Variants in PDE10A observed in about 807,000 individuals in gnomAD.
The protein encoded by PDE10A is cAMP and cAMP-inhibited cGMP 3',5'-cyclic phosphodiesterase 10A.
In PDE10A, 39 loss-of-function variants were observed where a neutral mutation model predicts 97.7. The observed-to-expected ratio is 0.40, with a 90% CI of 0.31 to 0.52. The LOEUF (loss-of-function observed/expected upper bound fraction) is 0.52, where lower values mean the gene tolerates loss of function less well. PDE10A is among the 20% of genes least tolerant of loss of function. The probability of loss-of-function intolerance (pLI) is 0.56; values close to 1 mark genes in which losing one functional copy is unlikely to be tolerated. For synonymous variants in PDE10A, 371 were observed against 376.8 expected (o/e 0.98, Z 0.18); for missense variants, 731 against 1,047.8 (o/e 0.70, Z 4.17).
intron 1 of PDE10A, among the ~76,000 whole-genome samples, chr6:165,619,205 TAGTGC>T (rs1283827720): frequency 3.9e-5 from 5 of 126,798 alleles, no homozygotes; most frequent in Non-Finnish European, 8.4e-5. Context: ...TAGTGTAATG[TAGTGC>T]AGTGTAGACT....
rs545343493 is a variant in PDE10A, at chr6:165,486,148, G to A, written c.995-3805C>T. Reference sequence around the variant, plus strand: ...CCAATGGCACACAATCCAGGTTGACGAGTCTATCAATGTTGACAGCAAGGC... The same window carrying A: ...CCAATGGCACACAATCCAGGTTGACAAGTCTATCAATGTTGACAGCAAGGC... On this transcript the variant is annotated intron_variant, in intron 2 of 21. Coordinates refer to ENST00000539869, the MANE Select transcript of PDE10A (RefSeq NM_001385079.1). 2.0e-4 allele frequency among the ~76,000 whole-genome samples: 31 copies of A among 152,316 alleles called. No individual in the cohort carries two copies. In the South Asian group the frequency reaches 5.2e-3, roughly 25 times the overall value.
chr6:165,492,508 G>A (rs979395304), intron 2 of PDE10A, among the ~76,000 whole-genome samples: 11 of 152,104 alleles, frequency 7.2e-5, no homozygotes, highest in African/African-American at 2.7e-4. Flanking sequence ...CCATGATCAA[G>A]TGGGTTTCAT....
intron 17 of PDE10A, among the ~76,000 whole-genome samples, chr6:165,386,518 C>A (rs1312630901): frequency 6.6e-6 from 1 of 152,090 alleles, no homozygotes; most frequent in African/African-American, 2.4e-5. Flanking sequence ...GTGAAGTCAT[C>A]CTGATGTTGT....
intron 2 of PDE10A, among the ~76,000 whole-genome samples, chr6:165,494,621 C>T (rs543003869): frequency 8.6e-5 from 13 of 151,368 alleles, no homozygotes; most frequent in African/African-American, 3.2e-4. Context: ...ATATTGAAAA[C>T]CACATTTTGC....
At chr6:165,813,415 G>A (rs143216425) in intron 1 of PDE10A, among the ~76,000 whole-genome samples, 209 of 148,308 alleles carry the variant, frequency 1.4e-3, no homozygotes, top group African/African-American at 4.9e-3. Flanking sequence ...AGACGTGACC[G>A]TCTGCTACTG....
rs141125228 is a variant in PDE10A at position 165,921,952 on chromosome 6, G to A, written c.-615+65577C>T. Among the ~76,000 whole-genome samples, 30 of 152,296 alleles carry A rather than the reference G, an allele frequency of 2.0e-4. 1 individual carries two copies. In the East Asian group the frequency reaches 5.0e-3, roughly 26 times the overall value. The stretch of plus-strand genomic sequence containing the variant: ...GGGATTAGACTGCAGGGTAGAAGCT[G>A]AGGGGCCAGTTGAGAGAAGCAAGCC... On this transcript the variant is annotated intron_variant, in intron 1 of 19. Coordinates refer to the PDE10A transcript ENST00000366882.
chr6:165,858,621 T>C (rs954033611), intron 1 of PDE10A, among the ~76,000 whole-genome samples: 2 of 152,212 alleles, frequency 1.3e-5, no homozygotes, highest in African/African-American at 4.8e-5. Flanking sequence ...TCATCTGATG[T>C]AGACTTCTGG....
At chr6:165,381,971 T>A (rs1166596570) in intron 17 of PDE10A, among the ~76,000 whole-genome samples, 1 of 152,110 alleles carries the variant, frequency 6.6e-6, no homozygotes, top group Non-Finnish European at 1.5e-5. Flanking sequence ...AATTGATAAT[T>A]TTACTATAGT....
In PDE10A at chr6:165,339,454, T is replaced by C. The variant is rs1781846336; in HGVS notation, c.2896-96A>G. The stretch of plus-strand genomic sequence containing the variant: ...TTATTCCCTTTATTCCTTAATTTTC[T>C]TCAAAACAAATAATGTTTGTGGTTG... On this transcript the variant is annotated intron_variant, in intron 19 of 21. Coordinates refer to ENST00000539869, the MANE Select transcript of PDE10A (RefSeq NM_001385079.1). The C allele has an allele frequency of 3.8e-6, 3 of 797,144 alleles. No individual in the cohort carries two copies. The Admixed American group carries it at 6.1e-5, about 16-fold the overall frequency. 49.4% of individuals were successfully genotyped at this position (797,144 alleles called of 1,614,324 possible).
At chr6:165,357,200 C>T (rs912856974) in intron 18 of PDE10A, among the ~76,000 whole-genome samples, 1 of 152,038 alleles carries the variant, frequency 6.6e-6, no homozygotes, top group Non-Finnish European at 1.5e-5. Flanking sequence ...AGCCAGTTTC[C>T]TAATCCTGCA....
At chr6:165,615,720 C>G (rs1030305226) in intron 1 of PDE10A, among the ~76,000 whole-genome samples, 1 of 152,054 alleles carries the variant, frequency 6.6e-6, no homozygotes, top group African/African-American at 2.4e-5. Context: ...CAGTTACTAC[C>G]TAGTTTATTT....
intron 16 of PDE10A, 93 bp downstream of exon 16, chr6:165,392,548 AATAAC>A: frequency 8.3e-7 from 1 of 1,206,676 alleles, no homozygotes; most frequent in Non-Finnish European, 1.2e-6. Flanking sequence ...TTTGTCTTGG[AATAAC>A]ATGTCACAAA....
intron 1 of PDE10A, among the ~76,000 whole-genome samples, chr6:165,545,467 T>C (rs1783692872): frequency 6.6e-6 from 1 of 152,074 alleles, no homozygotes; most frequent in Non-Finnish European, 1.5e-5. Context: ...TCATTCCGAC[T>C]TGTCATCTCA....
At chr6:165,741,154 G>A (rs1329689344) in intron 1 of PDE10A, among the ~76,000 whole-genome samples, 1 of 152,064 alleles carries the variant, frequency 6.6e-6, no homozygotes, top group South Asian at 2.1e-4. Flanking sequence ...GTAACTATAT[G>A]AGGTACTGGA....
At chr6:165,977,336 A>G (rs1273856346) in intron 1 of PDE10A, among the ~76,000 whole-genome samples, 1 of 152,224 alleles carries the variant, frequency 6.6e-6, no homozygotes, top group East Asian at 1.9e-4. Flanking sequence ...TTTCTCAAAC[A>G]GAAGTAAAGA....
chr6:165,478,472 A>G (rs1446469265), intron 3 of PDE10A, among the ~76,000 whole-genome samples: 1 of 152,214 alleles, frequency 6.6e-6, no homozygotes, highest in Non-Finnish European at 1.5e-5. Flanking sequence ...GCTGACCAGC[A>G]TTAACACTAA....
chr6:165,499,977 G>T (rs1780768232), intron 2 of PDE10A, among the ~76,000 whole-genome samples: 1 of 152,088 alleles, frequency 6.6e-6, no homozygotes, highest in Admixed American at 6.5e-5. Flanking sequence ...AAGTCTACAG[G>T]TAGCATCACA....
intron 1 of PDE10A, among the ~76,000 whole-genome samples, chr6:165,882,636 C>A (rs1436954204): frequency 4.6e-5 from 7 of 152,088 alleles, no homozygotes; most frequent in Admixed American, 2.0e-4. Context: ...ACAAGGACGG[C>A]AGCATTTCCA....
At chr6:165,782,864 G>T (rs1562734405) in intron 1 of PDE10A, among the ~76,000 whole-genome samples, 1 of 152,286 alleles carries the variant, frequency 6.6e-6, no homozygotes, top group East Asian at 1.9e-4. Context: ...TTCCATTTCT[G>T]TATGGGAACC....
Sources: gnomAD v4.1 joint callset for allele counts (sites outside exome capture counted in the v4.1 genomes callset) on GRCh38, gnomAD v4.1.1 for gene constraint, MANE v1.5 for transcripts, NCBI Gene and HGNC (gene_info 2026-07-23, HGNC 2026-07-21) for gene names.